The following SORCS1 variants were observed in gnomAD, a reference collection of about 807,000 sequenced individuals.
The protein encoded by SORCS1 is sortilin related VPS10 domain containing receptor 1.
In SORCS1, 60 loss-of-function variants were observed where a neutral mutation model predicts 146.1. The ratio of observed to expected loss-of-function variants is 0.41; its 90% CI spans 0.33 to 0.51. SORCS1 has a LOEUF of 0.51. SORCS1 is among the 20% of genes least tolerant of loss of function. SORCS1 has a pLI of 0.21. For synonymous variants in SORCS1, 637 were observed against 584.0 expected, an observed-to-expected ratio of 1.09 and a Z score of -1.31; for missense variants, 1,352 against 1,487.6, an observed-to-expected ratio of 0.91 and a Z score of 1.50.
chr10:106,770,931 T>G (rs1363257058), intron 4 of SORCS1, among the ~76,000 whole-genome samples: 1 of 151,524 alleles, frequency 6.6e-6, no homozygotes, highest in Admixed American at 6.6e-5. Context: ...AGGGTGGGAA[T>G]TGCACAGGAC....
At chr10:106,837,999 C>T (rs535240155) in intron 2 of SORCS1, among the ~76,000 whole-genome samples, 46 of 152,272 alleles carry the variant, frequency 3.0e-4, no homozygotes, top group Non-Finnish European at 4.9e-4. Flanking sequence ...GGGCTGATGT[C>T]TGTTTTGTTC....
At position 106,574,943 on chromosome 10, in the gene SORCS1, A is replaced by C. The variant is rs1317643870; in HGVS notation, c.*2477T>G. 1 of 152,532 alleles carries C rather than the reference A, an allele frequency of 6.6e-6. No individual in the cohort carries two copies. The highest frequency in any genetic ancestry group is 1.5e-5 in the Non-Finnish European group (1 of 68,032). The allele number at this position is 152,532 out of a possible 1,614,324, so 9.4% of individuals were successfully genotyped here. A position where few individuals can be genotyped will look rare whatever the true frequency, so the allele number is the denominator to read the frequency against. ...TAGGATTTACAGCCCATTCTTCCCT[A>C]TGTCTTTCCATTCATTTATTTCTTC... On this transcript the variant is annotated 3_prime_UTR_variant, in exon 26 of 26. Transcript: ENST00000263054.
rs540739095 is a variant in SORCS1 at position 107,022,059 on chromosome 10, T to C, written c.559-65479A>G. On this transcript the variant is annotated intron_variant, in intron 1 of 25. Transcript: ENST00000263054. ...TTGAGTTATCTTTCCATGAGAAGTTTTGATGAAATTTTAACGGCCCTCTCC... is the reference window on the plus strand; with the variant it reads ...TTGAGTTATCTTTCCATGAGAAGTTCTGATGAAATTTTAACGGCCCTCTCC... 2.6e-5 allele frequency among the ~76,000 whole-genome samples: 4 copies of C among 152,276 alleles called. No homozygotes were observed. In the South Asian group the frequency reaches 8.3e-4, roughly 32 times the overall value.
intron 14 of SORCS1, among the ~76,000 whole-genome samples, chr10:106,673,529 G>T (rs1412796645): frequency 6.6e-6 from 1 of 152,124 alleles, no homozygotes; most frequent in Non-Finnish European, 1.5e-5. Context: ...ATAATAACAG[G>T]CAGAACCAGA....
chr10:107,143,456 T>C (rs1206306031), intron 1 of SORCS1, among the ~76,000 whole-genome samples: 1 of 152,048 alleles, frequency 6.6e-6, no homozygotes, highest in East Asian at 1.9e-4. Context: ...GCCTCCCAAG[T>C]AGCTGGGACT....
At chr10:106,947,923 A>C (rs1954439803) in intron 2 of SORCS1, among the ~76,000 whole-genome samples, 1 of 152,154 alleles carries the variant, frequency 6.6e-6, no homozygotes, top group Non-Finnish European at 1.5e-5. Flanking sequence ...AACTGAAAAC[A>C]CTTCTTGGTA....
intron 6 of SORCS1, among the ~76,000 whole-genome samples, chr10:106,712,270 A>C (rs1011582478): frequency 6.6e-6 from 1 of 152,186 alleles, no homozygotes; most frequent in African/African-American, 2.4e-5. Context: ...GGTGTAAGGA[A>C]GAAGAGCTGG....
chr10:106,706,490 T>C, intron 8 of SORCS1, 55 bp downstream of exon 8: 2 of 1,539,838 alleles, frequency 1.3e-6, no homozygotes, highest in East Asian at 4.5e-5. Flanking sequence ...GGATGGAGGC[T>C]GGCTTCTGTG....
chr10:107,169,982 A>G, the SORCS1 span, among the ~76,000 whole-genome samples: 1 of 152,214 alleles, frequency 6.6e-6, no homozygotes, highest in African/African-American at 2.4e-5. Context: ...TCACATATGC[A>G]TATATATTTT....
chr10:106,895,400 C>T (rs1028538101), intron 2 of SORCS1, among the ~76,000 whole-genome samples: 1 of 152,178 alleles, frequency 6.6e-6, no homozygotes, highest in African/African-American at 2.4e-5. Context: ...CACCTGAGGT[C>T]AGGAGTTCAA....
intron 3 of SORCS1, among the ~76,000 whole-genome samples, chr10:106,787,134 A>G (rs1386885191): frequency 1.3e-5 from 2 of 152,340 alleles, no homozygotes; most frequent in East Asian, 3.9e-4. Context: ...ATATCTAGGC[A>G]TTATAATCCC....
At chr10:106,808,154 G>T (rs1345649692) in intron 3 of SORCS1, among the ~76,000 whole-genome samples, 1 of 152,180 alleles carries the variant, frequency 6.6e-6, no homozygotes, top group Admixed American at 6.5e-5. Context: ...CGAGTAGCTG[G>T]GATTAAGGCA....
At chr10:107,143,536 C>G (rs887776300) in intron 1 of SORCS1, among the ~76,000 whole-genome samples, 3 of 152,102 alleles carry the variant, frequency 2.0e-5, no homozygotes, top group Non-Finnish European at 4.4e-5. Flanking sequence ...TGGAATCTCC[C>G]TCTGTCACCC....
At chr10:106,621,803 C>G (rs1774939776) in intron 19 of SORCS1, among the ~76,000 whole-genome samples, 1 of 152,094 alleles carries the variant, frequency 6.6e-6, no homozygotes, top group Non-Finnish European at 1.5e-5. Flanking sequence ...ATAAATCTCT[C>G]TAAGATATTT....
chr10:106,650,433 T>A (rs1849774161), intron 18 of SORCS1, among the ~76,000 whole-genome samples: 1 of 152,210 alleles, frequency 6.6e-6, no homozygotes, highest in Non-Finnish European at 1.5e-5. Flanking sequence ...AGGGTGATAC[T>A]TCTAAAACCT....
chr10:107,052,278 C>T (rs920687965), intron 1 of SORCS1, among the ~76,000 whole-genome samples: 2 of 152,162 alleles, frequency 1.3e-5, no homozygotes, highest in African/African-American at 4.8e-5. Flanking sequence ...TCAGGGATGA[C>T]ACTCCAGTCC....
At chr10:107,081,975 G>A (rs1963365670) in intron 1 of SORCS1, among the ~76,000 whole-genome samples, 3 of 152,220 alleles carry the variant, frequency 2.0e-5, no homozygotes, top group South Asian at 4.1e-4. Flanking sequence ...TGGGAAGAAA[G>A]AAAATCACTA....
chr10:106,714,156 A>AAT (rs1208618589), intron 6 of SORCS1, among the ~76,000 whole-genome samples: 1 of 150,516 alleles, frequency 6.6e-6, no homozygotes, highest in Non-Finnish European at 1.5e-5. Context: ...AAAAAAAAAA[A>AAT]AAAAAAAGAT....
In SORCS1 at chr10:106,577,128, C is replaced by A. The variant is rs1564736477; in HGVS notation, c.*292G>T. The stretch of plus-strand genomic sequence containing the variant: ...TCTGAAGAATTAAAAAGTCCCGATG[C>A]AGTGAGTGTTTGTTTGTTTGTTTGG... On this transcript the variant is annotated 3_prime_UTR_variant, in exon 26 of 26. Transcript: ENST00000263054. 1.6e-5 allele frequency: 18 copies of A among 1,109,000 alleles called. No individual in the cohort carries two copies. Among genetic ancestry groups the A allele is most frequent in the South Asian group, 1.5e-4 (11 of 72,434 alleles). 68.7% of individuals were successfully genotyped at this position (1,109,000 alleles called of 1,614,324 possible).
Sources: allele counts gnomAD v4.1 joint callset (sites outside exome capture counted in the v4.1 genomes callset), GRCh38; gene constraint gnomAD v4.1.1; transcripts MANE v1.5; gene names NCBI Gene and HGNC (gene_info 2026-07-23, HGNC 2026-07-21).